The following CDH20 variants were observed in gnomAD, a reference collection of about 807,000 sequenced individuals.
The protein encoded by CDH20 is cadherin-20.
Under a neutral mutation model 74.2 loss-of-function variants are expected in CDH20, and 29 were observed. The ratio of observed to expected loss-of-function variants is 0.39; its 90% CI spans 0.29 to 0.53. The LOEUF is 0.53. CDH20 is among the 20% of genes least tolerant of loss of function. The pLI, the probability that CDH20 is intolerant of heterozygous loss-of-function variation, is 0.69. For synonymous variants in CDH20, 469 were observed against 405.4 expected, an observed-to-expected ratio of 1.16 and a Z score of -1.88; for missense variants, 988 against 1,048.3, an observed-to-expected ratio of 0.94 and a Z score of 0.79.
At chr18:61,350,253 C>A (rs934092695) in intron 1 of CDH20, among the ~76,000 whole-genome samples, 1 of 152,070 alleles carries the variant, frequency 6.6e-6, no homozygotes, top group African/African-American at 2.4e-5. Flanking sequence ...TCTATTCTAC[C>A]ACTTTATGTT....
intron 1 of CDH20, among the ~76,000 whole-genome samples, chr18:61,446,247 C>G (rs192889364): frequency 2.1e-3 from 321 of 152,288 alleles, no homozygotes; most frequent in Non-Finnish European, 3.3e-3. Flanking sequence ...TTCACACTTT[C>G]TCACCCACTT....
At chr18:61,485,396 C>G (rs1050893109) in intron 1 of CDH20, among the ~76,000 whole-genome samples, 1 of 151,984 alleles carries the variant, frequency 6.6e-6, no homozygotes, top group Non-Finnish European at 1.5e-5. Flanking sequence ...AGTGAGAGTA[C>G]AACTCAAAAT....
At chr18:61,398,296 A>C (rs1912050971) in intron 1 of CDH20, among the ~76,000 whole-genome samples, 1 of 152,196 alleles carries the variant, frequency 6.6e-6, no homozygotes, top group African/African-American at 2.4e-5. Flanking sequence ...CTTGTTTCTA[A>C]TCATCCTATA....
At chr18:61,365,333 G>A (rs1444561460) in intron 1 of CDH20, among the ~76,000 whole-genome samples, 1 of 152,166 alleles carries the variant, frequency 6.6e-6, no homozygotes, top group Non-Finnish European at 1.5e-5. Context: ...TCCCACTGAG[G>A]ATTCTGAAAA....
chr18:61,520,126 C>A (rs1912145140), intron 6 of CDH20, among the ~76,000 whole-genome samples: 1 of 149,996 alleles, frequency 6.7e-6, no homozygotes, highest in Non-Finnish European at 1.5e-5. Flanking sequence ...ACCATCCTGG[C>A]TAACACGATG....
intron 1 of CDH20, among the ~76,000 whole-genome samples, chr18:61,341,700 C>T (rs1909956839): frequency 6.6e-6 from 1 of 152,184 alleles, no homozygotes; most frequent in Admixed American, 6.5e-5. Context: ...AAGTAAGAAT[C>T]TAAATGTATG....
chr18:61,374,655 T>C (rs1310299692), intron 1 of CDH20, among the ~76,000 whole-genome samples: 2 of 152,132 alleles, frequency 1.3e-5, no homozygotes, highest in East Asian at 3.9e-4. Flanking sequence ...GCTTAAACCA[T>C]TTTTAAACAC....
chr18:61,554,805 G>A lies in CDH20; in HGVS notation c.*110G>A. The A allele has an allele frequency of 7.0e-7, 1 of 1,434,900 alleles. No homozygotes were observed. Among genetic ancestry groups the A allele is most frequent in the Non-Finnish European group, 9.1e-7 (1 of 1,096,704 alleles). The allele number at this position is 1,434,900 out of a possible 1,614,324, so 88.9% of individuals were successfully genotyped here. ...AATACTGTGCTGGAGAGTGAGAATG[G>A]GGGTGAGCAGGCGAACAGAGCTCTC... On this transcript the variant is annotated 3_prime_UTR_variant, in exon 12 of 12. Transcript: ENST00000262717.
chr18:61,358,175 C>T (rs1209535790), intron 1 of CDH20, among the ~76,000 whole-genome samples: 2 of 150,066 alleles, frequency 1.3e-5, no homozygotes, highest in African/African-American at 2.5e-5. Flanking sequence ...AGTGCAGTGG[C>T]ATGATGTCTG....
intron 1 of CDH20, among the ~76,000 whole-genome samples, chr18:61,455,223 A>C (rs1909531795): frequency 6.6e-6 from 1 of 152,224 alleles, no homozygotes; most frequent in Non-Finnish European, 1.5e-5. Context: ...AGATTAGAGG[A>C]GACTAAAGAG....
intron 10 of CDH20, among the ~76,000 whole-genome samples, chr18:61,546,942 A>G (rs1913269485): frequency 6.6e-6 from 1 of 152,224 alleles, no homozygotes; most frequent in African/African-American, 2.4e-5. Context: ...TGTTACTCCA[A>G]CACTTTGGGA....
At chr18:61,395,662 T>C (rs1911938624) in intron 1 of CDH20, among the ~76,000 whole-genome samples, 1 of 152,244 alleles carries the variant, frequency 6.6e-6, no homozygotes, top group Non-Finnish European at 1.5e-5. Context: ...TGTTTTGTCA[T>C]ATGTGCTTTG....
At chr18:61,444,367 T>C (rs1281624146) in intron 1 of CDH20, among the ~76,000 whole-genome samples, 1 of 152,148 alleles carries the variant, frequency 6.6e-6, no homozygotes, top group African/African-American at 2.4e-5. Flanking sequence ...CTGACATATA[T>C]CTTTCTTGGG....
At chr18:61,385,386 A>T (rs1911560841) in intron 1 of CDH20, among the ~76,000 whole-genome samples, 2 of 152,176 alleles carry the variant, frequency 1.3e-5, no homozygotes, top group South Asian at 4.1e-4. Flanking sequence ...TAGGTTAGGA[A>T]GATTCTTTAA....
chr18:61,498,399 CAA>C lies in CDH20; in HGVS notation c.247-764_247-763del, dbSNP rs55721858. Among the ~76,000 whole-genome samples, 6 of 145,456 alleles carry C rather than the reference CAA, an allele frequency of 4.1e-5. No individual in the cohort carries two copies. In the East Asian group the frequency reaches 1.0e-3, roughly 25 times the overall value. On this transcript the variant is annotated intron_variant, in intron 2 of 11. Transcript: ENST00000262717. The stretch of plus-strand genomic sequence containing the variant: ...TGGGTGACAGGGCGAAACTCTGTCT[CAA>C]AAAAAAAAAAAAAAAAAAAAAAGGA...
Position 61,367,443 on chromosome 18 carries a change from C to A in CDH20, c.-153+33616C>A, listed in dbSNP as rs183839512. On this transcript the variant is annotated intron_variant, in intron 1 of 11. Transcript: ENST00000262717. ...TAACACAGATTTATTATCTCACAGA[C>A]CTGTACTTCACAAGTCTAAAATGGT... 7.2e-4 allele frequency among the ~76,000 whole-genome samples: 109 copies of A among 152,254 alleles called. 1 individual carries two copies. Among genetic ancestry groups the A allele is most frequent in the Admixed American group, 1.4e-3 (22 of 15,292 alleles).
rs1277964885 is a variant in CDH20, at chr18:61,554,525, C to G, written c.2236C>G (p.Gln746Glu). 1 of 1,613,052 alleles carries G rather than the reference C, an allele frequency of 6.2e-7. No homozygotes were observed. The highest frequency in any genetic ancestry group is 1.7e-5 in the Admixed American group (1 of 59,976). ...DLWAPPFDSL[Q>E]TYMFEGDGSV... ...GTGGGCACCGCCCTTCGACTCCCTC[C>G]AGACGTATATGTTCGAGGGGGACGG... The change falls in exon 12 of 12, where the codon CAG (glutamine) becomes GAG (glutamate). Residue 746 changes from glutamine (Q) to glutamate (E), a missense_variant. Gln to Glu is a conservative substitution (Grantham distance 29). Transcript: ENST00000262717.
chr18:61,456,544 AAAAC>A (rs1386640487), intron 1 of CDH20, among the ~76,000 whole-genome samples: 2 of 152,206 alleles, frequency 1.3e-5, no homozygotes, highest in African/African-American at 2.4e-5. Context: ...TAACTTTGTA[AAAAC>A]AAACAAAAAG....
intron 1 of CDH20, among the ~76,000 whole-genome samples, chr18:61,486,635 C>CTGTTT (rs1555680044): frequency 6.6e-6 from 1 of 151,902 alleles, no homozygotes; most frequent in Non-Finnish European, 1.5e-5. Context: ...CATAAAGTCT[C>CTGTTT]TCTTTTAAGT....
Sources: allele counts gnomAD v4.1 joint callset (sites outside exome capture counted in the v4.1 genomes callset), GRCh38; gene constraint gnomAD v4.1.1; transcripts MANE v1.5; gene names NCBI Gene and HGNC (gene_info 2026-07-23, HGNC 2026-07-21).